RUBCNL: variants seen among roughly 807,000 people sequenced by gnomAD.
The protein encoded by RUBCNL is rubicon like autophagy enhancer.
In RUBCNL, 62 loss-of-function variants were observed where a neutral mutation model predicts 69.5. That is an observed-to-expected ratio of 0.89 (90% CI 0.73 to 1.10). The LOEUF is 1.10. Among genes scored for constraint, RUBCNL ranks in the 50% least tolerant of loss-of-function variants. RUBCNL has a pLI of 0.00. For synonymous variants in RUBCNL, 291 were observed against 303.6 expected, an observed-to-expected ratio of 0.96 and a Z score of 0.43; for missense variants, 768 against 798.1, an observed-to-expected ratio of 0.96 and a Z score of 0.45.
intron 3 of RUBCNL, among the ~76,000 whole-genome samples, chr13:46,371,304 CAT>C (rs1257692175): frequency 6.6e-6 from 1 of 152,118 alleles, no homozygotes; most frequent in African/African-American, 2.4e-5. Flanking sequence ...ATGAAATAAA[CAT>C]GTCACAGATT....
rs1438958999 is a variant in RUBCNL, at chr13:46,349,319, T to C, written c.1598A>G (p.Lys533Arg). 6.2e-7 allele frequency: 1 copy of C among 1,613,802 alleles called. No individual in the cohort carries two copies. ...AAACCTACAGGTCTTCAACAGCTTC[T>C]TGATATGGAAGAGCTGCTCCTGAAT... ...KEIQEQLFHI[K>R]KLLKTCRFAN... Residue 533 changes from lysine to arginine, a missense_variant, in exon 12 of 15, where the codon AAG becomes AGG. Coordinates refer to ENST00000429979, the MANE Select transcript of RUBCNL (RefSeq NM_025113.5).
chr13:46,365,662 G>A (rs1054917473), intron 5 of RUBCNL, among the ~76,000 whole-genome samples: 1 of 152,156 alleles, frequency 6.6e-6, no homozygotes, highest in East Asian at 1.9e-4. Flanking sequence ...GCCATGGGGG[G>A]AAATGTCTGC....
intron 5 of RUBCNL, among the ~76,000 whole-genome samples, chr13:46,366,651 T>A (rs113364269): frequency 4.6e-5 from 7 of 152,326 alleles, no homozygotes; most frequent in African/African-American, 1.4e-4. Context: ...GAGTTCTTCC[T>A]TTGTTATTGA....
intron 1 of RUBCNL, among the ~76,000 whole-genome samples, chr13:46,383,694 T>C (rs939507774): frequency 2.0e-5 from 3 of 152,210 alleles, no homozygotes; most frequent in African/African-American, 7.2e-5. Flanking sequence ...ATTAAAGCTA[T>C]CTTGATTAAG....
intron 1 of RUBCNL, 35 bp downstream of exon 1, chr13:46,387,099 C>T (rs372286986): frequency 1.0e-6 from 1 of 985,850 alleles, no homozygotes. Flanking sequence ...CACCCCGCGC[C>T]GCTCCCATCT....
At position 46,337,357 on chromosome 13, in the gene RUBCNL, T is replaced by A. The variant is rs1229880147; in HGVS notation, c.*6028A>T. On this transcript the variant is annotated 3_prime_UTR_variant, in exon 15 of 15. Transcript: ENST00000429979. Reference sequence around the variant, plus strand: ...TTTCACCATGTTGGCCAGGATGGTCTCAATCTCCTGACCTCGTGATATGCC... The same window carrying A: ...TTTCACCATGTTGGCCAGGATGGTCACAATCTCCTGACCTCGTGATATGCC... Among the ~76,000 whole-genome samples, 1 of 152,192 alleles carries A rather than the reference T, an allele frequency of 6.6e-6. No individual in the cohort carries two copies. The highest frequency in any genetic ancestry group is 1.5e-5 in the Non-Finnish European group (1 of 68,038).
At chr13:46,388,462 T>G (rs1208391457), upstream of RUBCNL, among the ~76,000 whole-genome samples, 2 of 110,134 alleles carry the variant, frequency 1.8e-5, no homozygotes, top group African/African-American at 3.6e-5. Context: ...GGAAGGAAGG[T>G]AGAAGGAAGG....
At position 46,349,315 on chromosome 13, in the gene RUBCNL, C is replaced by G. The variant is rs538954454; in HGVS notation, c.1602G>C (p.Lys534Asn). ...TAGCAAACCTACAGGTCTTCAACAG[C>G]TTCTTGATATGGAAGAGCTGCTCCT... is the stretch of plus-strand genomic sequence containing the variant. ...EIQEQLFHIK[K>N]LLKTCRFANS... The change falls in exon 12 of 15, where the codon AAG (lysine) becomes AAC (asparagine). Residue 534 changes from lysine to asparagine, a missense_variant. By Grantham distance (94) the Lys-to-Asn change is moderately conservative. Coordinates refer to ENST00000429979, the MANE Select transcript of RUBCNL (RefSeq NM_025113.5). 6.2e-7 allele frequency: 1 copy of G among 1,613,792 alleles called. No homozygotes were observed. Among genetic ancestry groups the G allele is most frequent in the East Asian group, 2.2e-5 (1 of 44,878 alleles).
intron 2 of RUBCNL, among the ~76,000 whole-genome samples, chr13:46,375,091 C>T (rs543867806): frequency 6.6e-6 from 1 of 152,358 alleles, no homozygotes; most frequent in Admixed American, 6.5e-5. Flanking sequence ...TCTCCCCCTA[C>T]TCCCACCTAA....
chr13:46,343,293 C>A lies in RUBCNL; in HGVS notation c.*92G>T, dbSNP rs41284169. 0.13 allele frequency: 194,260 copies of A among 1,538,174 alleles called. 13,583 individuals are homozygous for A. The highest frequency in any genetic ancestry group is 0.14 in the Non-Finnish European group (163,425 of 1,133,588). ...CCATCTTTTTCCTTAATATACAATA[C>A]CCAATATCTAAAACAATGTCACCAA... is the stretch of plus-strand genomic sequence containing the variant. On this transcript the variant is annotated 3_prime_UTR_variant, in exon 15 of 15. Transcript: ENST00000429979.
In RUBCNL at chr13:46,361,453, T is replaced by C; in HGVS notation, c.1107A>G (p.Ala369=). 6.2e-7 allele frequency: 1 copy of C among 1,613,898 alleles called. No homozygotes were observed. The highest frequency in any genetic ancestry group is 8.5e-7 in the Non-Finnish European group (1 of 1,179,820). The part of the protein sequence containing the change: ...VNSQLAGSLS[A]AGSIVVNEEC... The stretch of plus-strand genomic sequence containing the variant: ...TTTTGATACTTACTATCGAGCCAGC[T>C]GCACTCAGGGAACCTGCCAGCTGAG... The change falls in exon 8 of 15, where the codon GCA becomes GCG. Residue 369 remains alanine, a synonymous_variant. Coordinates refer to ENST00000429979, the MANE Select transcript of RUBCNL (RefSeq NM_025113.5).
At chr13:46,364,908 T>C (rs994679925) in intron 5 of RUBCNL, among the ~76,000 whole-genome samples, 2 of 152,080 alleles carry the variant, frequency 1.3e-5, no homozygotes, top group Admixed American at 6.6e-5. Flanking sequence ...CTACCATCAA[T>C]TTACACCCAA....
At chr13:46,356,648 T>C (rs1443069914) in intron 9 of RUBCNL, among the ~76,000 whole-genome samples, 152 bp from the exon 10 acceptor site, 1 of 152,212 alleles carries the variant, frequency 6.6e-6, no homozygotes, top group Non-Finnish European at 1.5e-5. Context: ...ATTTATTCAA[T>C]ACAATTTTCT....
chr13:46,382,173 T>A (rs1352396852), intron 1 of RUBCNL, among the ~76,000 whole-genome samples: 2 of 152,092 alleles, frequency 1.3e-5, no homozygotes, highest in Non-Finnish European at 2.9e-5. Flanking sequence ...CAGTATTTTT[T>A]AAAAAATAAG....
In RUBCNL at chr13:46,368,207, T is replaced by G; in HGVS notation, c.661A>C (p.Met221Leu). The change falls in exon 5 of 15, where the codon ATG becomes CTG. Residue 221 changes from methionine (M) to leucine (L), a missense_variant. By Grantham distance (15) the Met-to-Leu change is conservative. Coordinates refer to ENST00000429979, the MANE Select transcript of RUBCNL (RefSeq NM_025113.5). Reference sequence around the variant, plus strand: ...AGAATGTTACACTTCATTTTCTCCATTGCTGATATAATCATATCTGCAACA... The same window carrying G: ...AGAATGTTACACTTCATTTTCTCCAGTGCTGATATAATCATATCTGCAACA... ...FYVADMIISA[M>L]EKMKCNILSQ... The G allele has an allele frequency of 6.2e-7, 1 of 1,613,968 alleles. No homozygotes were observed. The highest frequency in any genetic ancestry group is 8.5e-7 in the Non-Finnish European group (1 of 1,179,874).
Position 46,387,228 on chromosome 13 carries a change from C to A in RUBCNL, c.-333G>T. 1.0e-6 allele frequency: 1 copy of A among 985,432 alleles called. No individual in the cohort carries two copies. Among genetic ancestry groups the A allele is most frequent in the South Asian group, 4.7e-5 (1 of 21,290 alleles). The allele number at this position is 985,432 out of a possible 1,614,324, so 61.0% of individuals were successfully genotyped here. A position where few individuals can be genotyped will look rare whatever the true frequency, so the allele number is the denominator to read the frequency against. The stretch of plus-strand genomic sequence containing the variant: ...TCCGGGCAGCGTTCCGTGGCCACCG[C>A]GCTCCCGGTAACAGCAGAAAGGGGA... On this transcript the variant is annotated 5_prime_UTR_variant, in exon 1 of 15. Coordinates refer to ENST00000429979, the MANE Select transcript of RUBCNL (RefSeq NM_025113.5).
intron 13 of RUBCNL, 102 bp from the exon 14 acceptor site, chr13:46,344,933 A>T (rs1402909919): frequency 9.6e-6 from 7 of 728,174 alleles, no homozygotes; most frequent in Admixed American, 2.5e-5. Flanking sequence ...AGTGTCTATG[A>T]TTCCAGCCTC....
rs904707829 is a variant in RUBCNL, at chr13:46,339,389, C to T, written c.*3996G>A. On this transcript the variant is annotated 3_prime_UTR_variant, in exon 15 of 15. Transcript: ENST00000429979. ...AATGACACACTTCACCCTCCTTTGG[C>T]GATGAGTTCAGGAAGGCTTCCTGCA... Among the ~76,000 whole-genome samples the T allele has an allele frequency of 6.6e-6, 1 of 152,308 alleles. No homozygotes were observed. Among genetic ancestry groups the T allele is most frequent in the South Asian group, 2.1e-4 (1 of 4,818 alleles).
rs55668114 is a variant in RUBCNL at position 46,337,293 on chromosome 13, C to T, written c.*6092G>A. 5.0e-3 allele frequency among the ~76,000 whole-genome samples: 759 copies of T among 152,196 alleles called. 6 individuals carry two copies. Among genetic ancestry groups the T allele is most frequent in the African/African-American group, 0.017 (723 of 41,522 alleles). ...GAGTAGCTGGGATTACAGGCACTTG[C>T]GACCACACCTAATTTTTGTATTTTT... On this transcript the variant is annotated 3_prime_UTR_variant, in exon 15 of 15. Transcript: ENST00000429979.
Sources: allele counts gnomAD v4.1 joint callset (sites outside exome capture counted in the v4.1 genomes callset), GRCh38; gene constraint gnomAD v4.1.1; transcripts MANE v1.5; gene names NCBI Gene and HGNC (gene_info 2026-07-23, HGNC 2026-07-21).